The following EXOC4 variants were observed in gnomAD, a reference collection of about 807,000 sequenced individuals.
EXOC4 encodes SEC8-like 1.
EXOC4 carries 71 observed loss-of-function variants against 107.2 expected under a neutral mutation model. The observed-to-expected ratio is 0.66, with a 90% CI of 0.55 to 0.81. The LOEUF (loss-of-function observed/expected upper bound fraction) is 0.81, where lower values mean the gene tolerates loss of function less well. EXOC4 is among the 30% of genes least tolerant of loss of function. EXOC4 has a pLI of 0.00. For synonymous variants in EXOC4, 456 were observed against 441.2 expected (o/e 1.03, Z -0.42); for missense variants, 1,108 against 1,189.6 (o/e 0.93, Z 1.01).
chr7:133,427,652 C>T (rs183270011), intron 7 of EXOC4, among the ~76,000 whole-genome samples: 1 of 152,244 alleles, frequency 6.6e-6, no homozygotes, highest in East Asian at 1.9e-4. Context: ...GTTGAGCCAC[C>T]CAACTCTGTA....
chr7:133,420,641 A>T (rs962169923), intron 7 of EXOC4, among the ~76,000 whole-genome samples: 4 of 152,118 alleles, frequency 2.6e-5, no homozygotes, highest in African/African-American at 4.8e-5. Context: ...CATGGGGCCA[A>T]TGTAAAGTCT....
chr7:133,414,999 G>T (rs1797442918), intron 7 of EXOC4, among the ~76,000 whole-genome samples: 1 of 152,044 alleles, frequency 6.6e-6, no homozygotes, highest in South Asian at 2.1e-4. Flanking sequence ...CTATGTATTT[G>T]CCTACTGACA....
chr7:133,954,669 T>A (rs1023694978), intron 14 of EXOC4, among the ~76,000 whole-genome samples: 7 of 152,148 alleles, frequency 4.6e-5, no homozygotes, highest in African/African-American at 1.7e-4. Context: ...TTTGCCCGAG[T>A]TTTGCTCAGG....
At chr7:133,937,811 A>C in intron 13 of EXOC4, 80 bp from the exon 14 acceptor site, 2 of 1,346,686 alleles carry the variant, frequency 1.5e-6, no homozygotes, top group Non-Finnish European at 2.1e-6. Flanking sequence ...TCCTTGTGCT[A>C]GGTGTGCCTA....
intron 10 of EXOC4, among the ~76,000 whole-genome samples, chr7:133,682,424 G>A (rs1398491267): frequency 6.6e-6 from 1 of 152,118 alleles, no homozygotes; most frequent in East Asian, 1.9e-4. Flanking sequence ...TTCTGCTTTT[G>A]CTTCTTTCTC....
intron 7 of EXOC4, among the ~76,000 whole-genome samples, chr7:133,404,954 G>A (rs975387631): frequency 7.2e-6 from 1 of 139,334 alleles, no homozygotes; most frequent in African/African-American, 2.7e-5. Context: ...TACACCTGTA[G>A]TCCTAGCTGC....
chr7:133,738,566 T>G (rs1795497120), intron 10 of EXOC4, among the ~76,000 whole-genome samples: 1 of 152,226 alleles, frequency 6.6e-6, no homozygotes, highest in Non-Finnish European at 1.5e-5. Flanking sequence ...AGACTCTGCA[T>G]GTATGAAGAA....
intron 10 of EXOC4, among the ~76,000 whole-genome samples, chr7:133,726,554 C>G (rs1418336152): frequency 3.9e-5 from 6 of 152,230 alleles, no homozygotes; most frequent in African/African-American, 1.2e-4. Flanking sequence ...ACTGCAACAC[C>G]TCTTCATAGG....
downstream of EXOC4, among the ~76,000 whole-genome samples, chr7:134,068,399 G>A (rs1585368853): frequency 6.6e-6 from 1 of 152,068 alleles, no homozygotes; most frequent in East Asian, 1.9e-4. Flanking sequence ...TTTTATAAAG[G>A]GCAGTTCTCC....
At position 133,384,361 on chromosome 7, in the gene EXOC4, T is replaced by G. The variant is rs191559066; in HGVS notation, c.1182+9359T>G. Among the ~76,000 whole-genome samples, 3 of 152,254 alleles carry G rather than the reference T, an allele frequency of 2.0e-5. No individual in the cohort carries two copies. In the East Asian group the frequency reaches 5.8e-4, roughly 29 times the overall value. ...AACACAGGTGTAGAAATGGCAGGTCTTCCTTCTCCCTCACTGCCTCCAAAG... is the reference window on the plus strand; with the variant it reads ...AACACAGGTGTAGAAATGGCAGGTCGTCCTTCTCCCTCACTGCCTCCAAAG... On this transcript the variant is annotated intron_variant, in intron 7 of 17. Coordinates refer to ENST00000253861, the MANE Select transcript of EXOC4 (RefSeq NM_021807.4).
intron 7 of EXOC4, among the ~76,000 whole-genome samples, chr7:133,384,010 G>C (rs1168311364): frequency 6.6e-6 from 1 of 152,102 alleles, no homozygotes; most frequent in Non-Finnish European, 1.5e-5. Context: ...ATTCGAGTTT[G>C]TTTCTGTAGC....
At chr7:133,928,241 GGCAGTGGTCACCTGTGCCA>G in intron 13 of EXOC4, among the ~76,000 whole-genome samples, 1 of 152,302 alleles carries the variant, frequency 6.6e-6, no homozygotes, top group Non-Finnish European at 1.5e-5. Flanking sequence ...AAGTCAGGCT[GGCAGTGGTCACCTGTGCCA>G]TTGTGGTGGT....
At chr7:133,901,634 G>A (rs528781820) in intron 12 of EXOC4, among the ~76,000 whole-genome samples, 30 of 152,276 alleles carry the variant, frequency 2.0e-4, no homozygotes, top group African/African-American at 6.3e-4. Context: ...TGGTTTTAGC[G>A]AAGTGATATG....
rs925771328 is a variant in EXOC4, at chr7:133,424,553, A to G, written c.1182+49551A>G. On this transcript the variant is annotated intron_variant, in intron 7 of 17. Transcript: ENST00000253861. ...TTCATTCTTGAAGTCAGCAAGACCA[A>G]GAACCCACCAATTCCAACACAATAG... 2.0e-5 allele frequency among the ~76,000 whole-genome samples: 3 copies of G among 152,202 alleles called. No individual in the cohort carries two copies. In the South Asian group the frequency reaches 6.2e-4, roughly 32 times the overall value.
At chr7:133,465,246 A>C (rs191192362) in intron 7 of EXOC4, among the ~76,000 whole-genome samples, 52 of 152,312 alleles carry the variant, frequency 3.4e-4, no homozygotes, top group African/African-American at 1.2e-3. Flanking sequence ...TGGACAGAGA[A>C]TATATTGAAG....
chr7:133,795,715 C>T (rs893974921), intron 10 of EXOC4, among the ~76,000 whole-genome samples: 5 of 152,128 alleles, frequency 3.3e-5, no homozygotes, highest in Non-Finnish European at 5.9e-5. Context: ...AGAATTTGAC[C>T]ATGATGGTGG....
chr7:133,780,678 A>G (rs997552039), intron 10 of EXOC4, among the ~76,000 whole-genome samples: 9 of 152,142 alleles, frequency 5.9e-5, no homozygotes, highest in Admixed American at 6.6e-5. Context: ...GGGCCAGTTC[A>G]GGTTGGCCTG....
chr7:133,390,175 G>C lies in EXOC4; in HGVS notation c.1182+15173G>C, dbSNP rs78226244. On this transcript the variant is annotated intron_variant, in intron 7 of 17. Coordinates refer to ENST00000253861, the MANE Select transcript of EXOC4 (RefSeq NM_021807.4). ...GGGATTCTCTGTCTGCCTGGGAATA[G>C]CTGAAGCCATACAAATGGACCAGCT... 8.2e-3 allele frequency among the ~76,000 whole-genome samples: 1,255 copies of C among 152,282 alleles called. 18 individuals are homozygous for C. The highest frequency in any genetic ancestry group is 0.029 in the African/African-American group (1,201 of 41,540).
At chr7:133,756,419 G>C (rs567357158) in intron 10 of EXOC4, among the ~76,000 whole-genome samples, 3 of 152,242 alleles carry the variant, frequency 2.0e-5, no homozygotes, top group African/African-American at 7.2e-5. Flanking sequence ...GAAAAGTGTT[G>C]AGCTTGATCA....
Sources: allele counts gnomAD v4.1 joint callset (sites outside exome capture counted in the v4.1 genomes callset), GRCh38; gene constraint gnomAD v4.1.1; transcripts MANE v1.5; gene names NCBI Gene and HGNC (gene_info 2026-07-23, HGNC 2026-07-21).